CTSH: variants seen among roughly 807,000 people sequenced by gnomAD.
CTSH encodes pro-cathepsin H.
CTSH carries 52 observed loss-of-function variants against 56.3 expected under a neutral mutation model. That is an observed-to-expected ratio of 0.92 (90% CI 0.74 to 1.16). The LOEUF is 1.16. CTSH is among the 50% of genes most tolerant of loss of function. The probability of loss-of-function intolerance (pLI) is 0.00; values close to 1 mark genes in which losing one functional copy is unlikely to be tolerated. For missense variants in CTSH, 406 were observed against 424.5 expected (o/e 0.96, Z 0.38); for synonymous variants, 174 against 155.7 (o/e 1.12, Z -0.88).
chr15:78,923,206 T>G, intron 10 of CTSH, 88 bp from the exon 11 acceptor site: 2 of 1,465,276 alleles, frequency 1.4e-6, no homozygotes, highest in Non-Finnish European at 1.9e-6. Context: ...TTGAGCGCTT[T>G]AGAGCAATGT....
chr15:78,931,738 G>A (rs2055065609), intron 6 of CTSH: 1 of 1,428,446 alleles, frequency 7.0e-7, no homozygotes, highest in Non-Finnish European at 9.1e-7. Flanking sequence ...AGCCAGGGAA[G>A]GTGAGAGGGG....
chr15:78,926,854 G>A (rs886554809), intron 9 of CTSH: 2 of 152,158 alleles, frequency 1.3e-5, no homozygotes. Context: ...TGCGTATTGA[G>A]GGTTGGTACA....
chr15:78,935,716 A>G lies in CTSH; in HGVS notation c.264T>C (p.Ala88=). ...ALNQFSDMSF[A]EIKHKYLWSE... ...ACCAGAGATACTTGTGTTTTATTTC[A>G]GCAAAGCTCATGTCTGAAAATTGGT... Residue 88 remains alanine, a synonymous_variant, in exon 4 of 12, where the codon GCT becomes GCC. Transcript: ENST00000220166. The G allele has an allele frequency of 6.2e-7, 1 of 1,611,794 alleles. No homozygotes were observed. Among genetic ancestry groups the G allele is most frequent in the Middle Eastern group, 1.7e-4 (1 of 6,052 alleles).
In CTSH at chr15:78,925,344, T is replaced by C. The variant is rs757254632; in HGVS notation, c.796A>G (p.Ile266Val). Residue 266 changes from isoleucine (I) to valine (V), a missense_variant, in exon 10 of 12, where the codon ATC (isoleucine) becomes GTC (valine). Coordinates refer to ENST00000220166, the MANE Select transcript of CTSH (RefSeq NM_004390.5). ...TQDFMMYRTG[I>V]YSSTSCHKTP... ...GGGACCCTGACTCACCTGGAGTAGA[T>C]GCCGGTTCTATACATCATGAAGTCC... 1.9e-6 allele frequency: 3 copies of C among 1,610,142 alleles called. No homozygotes were observed. The highest frequency in any genetic ancestry group is 2.5e-6 in the Non-Finnish European group (3 of 1,176,508).
intron 5 of CTSH, 195 bp downstream of exon 5, chr15:78,934,783 C>T: frequency 1.5e-6 from 1 of 669,434 alleles, no homozygotes; most frequent in Non-Finnish European, 2.7e-6. Context: ...GGAACTTTTG[C>T]ATCCTCCAGA....
At chr15:78,931,931 CCA>C in intron 6 of CTSH, 1 of 1,178,172 alleles carries the variant, frequency 8.5e-7, no homozygotes, top group Non-Finnish European at 1.1e-6. Context: ...CCTCCTTTCT[CCA>C]CAGAGGCAGG....
intron 8 of CTSH, among the ~76,000 whole-genome samples, chr15:78,928,748 C>A (rs1311664072): frequency 6.6e-6 from 1 of 151,900 alleles, no homozygotes; most frequent in Non-Finnish European, 1.5e-5. Context: ...TGGATGGAGG[C>A]CCCGGTCTGA....
chr15:78,931,954 GT>G, intron 6 of CTSH: 1 of 1,158,598 alleles, frequency 8.6e-7, no homozygotes, highest in Non-Finnish European at 1.1e-6. Context: ...GGCTAGGATA[GT>G]TCCTTCAGGG....
intron 2 of CTSH, among the ~76,000 whole-genome samples, chr15:78,938,685 A>ATCT (rs2055227075): frequency 6.6e-6 from 1 of 152,186 alleles, no homozygotes; most frequent in Non-Finnish European, 1.5e-5. Flanking sequence ...TTGATTCCAT[A>ATCT]TCTTGGCTAT....
chr15:78,940,352 C>G (rs1370717227), intron 1 of CTSH, among the ~76,000 whole-genome samples: 1 of 151,898 alleles, frequency 6.6e-6, no homozygotes, highest in Non-Finnish European at 1.5e-5. Flanking sequence ...GGGAGGCTGA[C>G]ACAGGCGAAT....
rs576354423 is a variant in CTSH at position 78,942,874 on chromosome 15, A to G, written c.91+2017T>C. 3.9e-3 allele frequency among the ~76,000 whole-genome samples: 589 copies of G among 152,274 alleles called. 2 individuals carry two copies. Among genetic ancestry groups the G allele is most frequent in the Non-Finnish European group, 6.6e-3 (450 of 68,022 alleles). ...TGAAGATCACTACCACACAGCATTTAGATCTCCGTTTTTGGGTCTCGAACC... is the reference window on the plus strand; with the variant it reads ...TGAAGATCACTACCACACAGCATTTGGATCTCCGTTTTTGGGTCTCGAACC... On this transcript the variant is annotated intron_variant, in intron 1 of 11. Transcript: ENST00000220166.
At chr15:78,936,151 G>A (rs898310351) in intron 3 of CTSH, among the ~76,000 whole-genome samples, 15 of 150,760 alleles carry the variant, frequency 9.9e-5, no homozygotes, top group African/African-American at 2.9e-4. Context: ...GCAGGGATGC[G>A]TGATCATTTC....
At chr15:78,922,957 T>C in intron 11 of CTSH, 36 bp downstream of exon 11, 2 of 1,587,948 alleles carry the variant, frequency 1.3e-6, no homozygotes, top group Non-Finnish European at 1.7e-6. Flanking sequence ...CTGAGCAACA[T>C]CCCCCTCCCA....
intron 7 of CTSH, among the ~76,000 whole-genome samples, chr15:78,930,209 C>T (rs949560015): frequency 2.6e-5 from 4 of 152,180 alleles, no homozygotes; most frequent in African/African-American, 9.6e-5. Context: ...GAAGTACTGT[C>T]CTGAACCAAA....
Position 78,921,359 on chromosome 15 carries a change from G to A in CTSH, c.*771C>T, listed in dbSNP as rs560323855. On this transcript the variant is annotated 3_prime_UTR_variant, in exon 12 of 12. Coordinates refer to ENST00000220166, the MANE Select transcript of CTSH (RefSeq NM_004390.5). ...AAGGGATGGTGTGGAAACGACAGGA[G>A]CATCTGGGCACGTTTGAAATAAATA... 5.3e-5 allele frequency: 8 copies of A among 152,338 alleles called. No homozygotes were observed. Among genetic ancestry groups the A allele is most frequent in the African/African-American group, 1.9e-4 (8 of 41,562 alleles). The allele number at this position is 152,338 out of a possible 1,614,324, so 9.4% of individuals were successfully genotyped here. A position where few individuals can be genotyped will look rare whatever the true frequency, so the allele number is the denominator to read the frequency against.
At position 78,939,143 on chromosome 15, in the gene CTSH, A is replaced by C. The variant is rs779536562; in HGVS notation, c.120T>G (p.Ser40=). The C allele has an allele frequency of 4.9e-5, 79 of 1,598,532 alleles. No homozygotes were observed. Among genetic ancestry groups the C allele is most frequent in the Non-Finnish European group, 6.6e-5 (77 of 1,174,768 alleles). ...AAAGAAGAAGTTGGGCACTGACCTT[A>C]GACATCCATGACTTGAAGTGAAACT... ...LEKFHFKSWM[S]KHRKTYSTEE... is the part of the protein sequence containing the mutation. Residue 40 remains serine, a synonymous_variant, in exon 2 of 12, where the codon TCT becomes TCG. Coordinates refer to ENST00000220166, the MANE Select transcript of CTSH (RefSeq NM_004390.5).
At chr15:78,931,109 G>A (rs1414510079) in intron 7 of CTSH, among the ~76,000 whole-genome samples, 2 of 151,950 alleles carry the variant, frequency 1.3e-5, no homozygotes, top group Non-Finnish European at 2.9e-5. Context: ...TGTGGATCTC[G>A]GGTTTGGAGG....
chr15:78,932,484 G>C, intron 5 of CTSH, 26 bp from the exon 6 acceptor site: 1 of 1,582,258 alleles, frequency 6.3e-7, no homozygotes, highest in Non-Finnish European at 8.7e-7. Flanking sequence ...GAGAGCAGAG[G>C]ACATCAGTGA....
rs374791039 is a variant in CTSH at position 78,944,971 on chromosome 15, G to C, written c.11C>G (p.Thr4Arg). 2.6e-6 allele frequency: 4 copies of C among 1,544,350 alleles called. No individual in the cohort carries two copies. Among genetic ancestry groups the C allele is most frequent in the Non-Finnish European group, 3.5e-6 (4 of 1,145,086 alleles). MWATLPLLCAGAWL... is the reference protein window; with the variant it reads MWARLPLLCAGAWL... ...GGCCCCGGCGCAGAGCAGCGGCAGC[G>C]TGGCCCACATCGCAGCGCTGGCGGC... The change falls in exon 1 of 12, where the codon ACG becomes AGG. Residue 4 changes from threonine (T) to arginine (R), a missense_variant. Thr to Arg is a moderately conservative substitution (Grantham distance 71, BLOSUM62 -1). Coordinates refer to ENST00000220166, the MANE Select transcript of CTSH (RefSeq NM_004390.5).
Sources: gnomAD v4.1 joint callset for allele counts (sites outside exome capture counted in the v4.1 genomes callset) on GRCh38, gnomAD v4.1.1 for gene constraint, MANE v1.5 for transcripts, NCBI Gene and HGNC (gene_info 2026-07-23, HGNC 2026-07-21) for gene names.